XPR1: variants seen among roughly 807,000 people sequenced by gnomAD.
The protein encoded by XPR1 is xenotropic and polytropic retrovirus receptor 1, also known as solute carrier family 53 member 1.
XPR1 carries 28 observed loss-of-function variants against 87.5 expected under a neutral mutation model. That is an observed-to-expected ratio of 0.32 (90% CI 0.24 to 0.44). The LOEUF is 0.44. XPR1 is among the 20% of genes least tolerant of loss of function. The pLI is 1.00. For synonymous variants in XPR1, 300 were observed against 306.1 expected (o/e 0.98, Z 0.21); for missense variants, 559 against 862.3 (o/e 0.65, Z 4.41).
intron 1 of XPR1, among the ~76,000 whole-genome samples, chr1:180,656,295 C>T (rs1655463335): frequency 1.6e-5 from 2 of 126,952 alleles, no homozygotes; most frequent in Admixed American, 2.0e-4. Context: ...TTTTTAATGA[C>T]TGAATAGTAC....
At chr1:180,640,202 TAAATC>T (rs1654920457) in intron 1 of XPR1, among the ~76,000 whole-genome samples, 1 of 152,352 alleles carries the variant, frequency 6.6e-6, no homozygotes, top group South Asian at 2.1e-4. Flanking sequence ...AATTTGAAAT[TAAATC>T]AAATCAGACT....
chr1:180,852,275 A>T (rs1485722718), intron 11 of XPR1, among the ~76,000 whole-genome samples: 1 of 152,132 alleles, frequency 6.6e-6, no homozygotes, highest in Non-Finnish European at 1.5e-5. Context: ...AGTAATGCAG[A>T]GAGATCCCAT....
intron 2 of XPR1, among the ~76,000 whole-genome samples, chr1:180,694,648 G>C (rs115533073): frequency 0.013 from 1,912 of 151,730 alleles, 30 homozygotes; most frequent in African/African-American, 0.044. Context: ...TTTGATTGTG[G>C]AACTTTTTAA....
chr1:180,787,963 C>CTA (rs1272398061), intron 3 of XPR1, 109 bp downstream of exon 3: 1 of 731,866 alleles, frequency 1.4e-6, no homozygotes, highest in Non-Finnish European at 2.2e-6. Flanking sequence ...GTTTTCCTTA[C>CTA]TATACTGCAC....
At position 180,887,353 on chromosome 1, in the gene XPR1, A is replaced by C. The variant is rs2102234867; in HGVS notation, c.*3287A>C. ...AATGAAGAGGAAGTCTAAATAAATGAATAAAACTCATTTTTCATTTTATGG... is the reference window on the plus strand; with the variant it reads ...AATGAAGAGGAAGTCTAAATAAATGCATAAAACTCATTTTTCATTTTATGG... On this transcript the variant is annotated 3_prime_UTR_variant, in exon 15 of 15. Transcript: ENST00000367590. The C allele has an allele frequency of 6.6e-6, 1 of 152,354 alleles. No individual in the cohort carries two copies. Among genetic ancestry groups the C allele is most frequent in the Non-Finnish European group, 1.5e-5 (1 of 68,038 alleles). The allele number at this position is 152,354 out of a possible 1,614,324, so 9.4% of individuals were successfully genotyped here.
At chr1:180,804,574 A>G (rs1248733114) in intron 4 of XPR1, among the ~76,000 whole-genome samples, 1 of 152,178 alleles carries the variant, frequency 6.6e-6, no homozygotes, top group African/African-American at 2.4e-5. Flanking sequence ...ATGATATACC[A>G]TATTAAAACT....
chr1:180,677,095 T>G (rs1287998229), intron 1 of XPR1, among the ~76,000 whole-genome samples: 1 of 152,160 alleles, frequency 6.6e-6, no homozygotes, highest in African/African-American at 2.4e-5. Flanking sequence ...ACTGACTACC[T>G]GGAGGTAGTA....
chr1:180,826,718 TTATAAG>T (rs1650855892), intron 9 of XPR1, among the ~76,000 whole-genome samples: 1 of 152,188 alleles, frequency 6.6e-6, no homozygotes, highest in African/African-American at 2.4e-5. Flanking sequence ...CTTTTTCACT[TTATAAG>T]TATACGTCCT....
In XPR1 at chr1:180,838,452, C is replaced by A. The variant is rs559457378; in HGVS notation, c.1501+1736C>A. 4.6e-5 allele frequency among the ~76,000 whole-genome samples: 7 copies of A among 152,210 alleles called. No homozygotes were observed. The East Asian group carries it at 1.4e-3, about 29-fold the overall frequency. ...TATACTGATAGCATTCAGTAAAAAGCTGAAAATCCAAATTCCTCAAATCTG... is the reference window on the plus strand; with the variant it reads ...TATACTGATAGCATTCAGTAAAAAGATGAAAATCCAAATTCCTCAAATCTG... On this transcript the variant is annotated intron_variant, in intron 11 of 14. Transcript: ENST00000367590.
chr1:180,646,956 G>C (rs112611473), intron 1 of XPR1, among the ~76,000 whole-genome samples: 3,120 of 152,282 alleles, frequency 0.02, 107 homozygotes, highest in African/African-American at 0.071. Flanking sequence ...GTTTTGATAA[G>C]AGTTTGTAAG....
chr1:180,825,368 A>G, intron 9 of XPR1, 24 bp downstream of exon 9: 2 of 1,597,480 alleles, frequency 1.3e-6, no homozygotes, highest in African/African-American at 1.3e-5. Context: ...CTTGTGTACC[A>G]CTTTTAGAGT....
rs1192955477 is a variant in XPR1 at position 180,704,278 on chromosome 1, T to TATATATATATATATATA, written c.121+21869_121+21870insATATATATATATATAAT. Among the ~76,000 whole-genome samples, 72 of 31,914 alleles carry TATATATATATATATATA rather than the reference T, an allele frequency of 2.3e-3. 1 individual carries two copies. Among genetic ancestry groups the TATATATATATATATATA allele is most frequent in the African/African-American group, 5.0e-3 (55 of 11,002 alleles). The allele number at this position is 31,914 out of a possible 152,430, so 20.9% of individuals were successfully genotyped here. A position where few individuals can be genotyped will look rare whatever the true frequency, so the allele number is the denominator to read the frequency against. On this transcript the variant is annotated intron_variant, in intron 2 of 14. Transcript: ENST00000367590. Reference sequence around the variant, plus strand: ...TATATATATATATATATATATATATTATCAGATTATCTGTTTTGTTACTAC... The same window carrying TATATATATATATATATA: ...TATATATATATATATATATATATATTATATATATATATATATAATCAGATTATCTGTTTTGTTACTAC...
intron 2 of XPR1, among the ~76,000 whole-genome samples, chr1:180,708,933 G>GGGA: frequency 1.7e-5 from 2 of 119,600 alleles, no homozygotes; most frequent in African/African-American, 3.0e-5. Flanking sequence ...CGGGGGCGGG[G>GGGA]ACAAGTCTCG....
intron 1 of XPR1, among the ~76,000 whole-genome samples, chr1:180,665,019 A>G (rs1212159445): frequency 6.6e-6 from 1 of 152,206 alleles, no homozygotes; most frequent in Non-Finnish European, 1.5e-5. Flanking sequence ...TCCTATATTC[A>G]TCCATTCTCA....
intron 9 of XPR1, among the ~76,000 whole-genome samples, chr1:180,826,120 C>T (rs1359484616): frequency 6.6e-6 from 1 of 152,080 alleles, no homozygotes; most frequent in African/African-American, 2.4e-5. Flanking sequence ...TCCACTTTAC[C>T]TGTCTCTTAA....
chr1:180,875,890 A>C (rs1346940383), intron 13 of XPR1, among the ~76,000 whole-genome samples: 1 of 152,200 alleles, frequency 6.6e-6, no homozygotes, highest in African/African-American at 2.4e-5. Context: ...CATTTATTTA[A>C]AGAGTAAGAC....
intron 2 of XPR1, among the ~76,000 whole-genome samples, chr1:180,772,607 G>C (rs1229813740): frequency 6.6e-6 from 1 of 152,122 alleles, no homozygotes; most frequent in African/African-American, 2.4e-5. Context: ...GGACCAAGTG[G>C]GAGATGATTG....
chr1:180,647,902 C>CAAAAAAA (rs1009441967), intron 1 of XPR1, among the ~76,000 whole-genome samples: 11 of 55,926 alleles, frequency 2.0e-4, no homozygotes, highest in African/African-American at 5.4e-4. Context: ...CTCTTATCTG[C>CAAAAAAA]AAAAAAAAAA....
At chr1:180,846,837 C>G (rs1651700628) in intron 11 of XPR1, among the ~76,000 whole-genome samples, 1 of 148,564 alleles carries the variant, frequency 6.7e-6, no homozygotes, top group Non-Finnish European at 1.5e-5. Context: ...ACACTACACA[C>G]AATATTTTCT....
Sources: allele counts gnomAD v4.1 joint callset (sites outside exome capture counted in the v4.1 genomes callset), GRCh38; gene constraint gnomAD v4.1.1; transcripts MANE v1.5; gene names NCBI Gene and HGNC (gene_info 2026-07-23, HGNC 2026-07-21).